Variants in SMCO2 observed in about 807,000 individuals in gnomAD.
SMCO2 encodes the protein single-pass membrane protein with coiled-coil domains 2, also known as single-pass membrane and coiled-coil domain-containing protein 2.
In SMCO2, 25 loss-of-function variants were observed where a neutral mutation model predicts 29.5. The observed-to-expected ratio is 0.85, with a 90% CI of 0.62 to 1.18. The LOEUF (loss-of-function observed/expected upper bound fraction) is 1.18, where lower values mean the gene tolerates loss of function less well. Ranked by LOEUF, SMCO2 falls within the 50% of genes most tolerant of loss-of-function variation. The probability of loss-of-function intolerance (pLI) is 0.00; values close to 1 mark genes in which losing one functional copy is unlikely to be tolerated. For missense variants in SMCO2, 348 were observed against 344.5 expected, an observed-to-expected ratio of 1.01 and a Z score of -0.08; for synonymous variants, 117 against 123.3, an observed-to-expected ratio of 0.95 and a Z score of 0.34.
At chr12:27,476,735 AT>A (rs1949589674) in intron 4 of SMCO2, among the ~76,000 whole-genome samples, 1 of 151,804 alleles carries the variant, frequency 6.6e-6, no homozygotes, top group African/African-American at 2.4e-5. Flanking sequence ...TTCAGTCTAC[AT>A]GTGTCTTTAC....
chr12:27,498,806 G>A (rs555849728), intron 7 of SMCO2, among the ~76,000 whole-genome samples: 3 of 150,174 alleles, frequency 2.0e-5, no homozygotes, highest in South Asian at 2.1e-4. Flanking sequence ...ACACACAAAC[G>A]GTCAACAAGC....
the SMCO2 span, among the ~76,000 whole-genome samples, chr12:27,426,692 C>CTATAGTTTAGCAAACTATATA: frequency 9.2e-5 from 14 of 152,216 alleles, no homozygotes; most frequent in South Asian, 2.9e-3. Flanking sequence ...ATTCCTGAGA[C>CTATAGTTTAGCAAACTATATA]TATATAGCAA....
the SMCO2 span, among the ~76,000 whole-genome samples, chr12:27,427,331 T>C: frequency 6.6e-6 from 1 of 152,170 alleles, no homozygotes; most frequent in Admixed American, 6.6e-5. Flanking sequence ...AGCTTGGGAA[T>C]TTGCATTTCC....
chr12:27,433,014 A>G, the SMCO2 span, among the ~76,000 whole-genome samples: 1 of 152,222 alleles, frequency 6.6e-6, no homozygotes, highest in Non-Finnish European at 1.5e-5. Context: ...AGTATTTGCT[A>G]CAGAATGGCC....
intron 4 of SMCO2, among the ~76,000 whole-genome samples, chr12:27,484,174 T>G (rs1949668037): frequency 6.6e-6 from 1 of 152,214 alleles, no homozygotes; most frequent in Non-Finnish European, 1.5e-5. Context: ...GTGGATCACC[T>G]GAGGTCAGGA....
chr12:27,430,817 G>C, the SMCO2 span, among the ~76,000 whole-genome samples: 1 of 152,034 alleles, frequency 6.6e-6, no homozygotes, highest in Admixed American at 6.6e-5. Flanking sequence ...GGGCTTAAGA[G>C]TTAAGTAACT....
the SMCO2 span, among the ~76,000 whole-genome samples, chr12:27,455,602 T>C: frequency 6.6e-6 from 1 of 152,202 alleles, no homozygotes; most frequent in African/African-American, 2.4e-5. Context: ...AATCTACGTA[T>C]AGGTATCTAT....
the SMCO2 span, among the ~76,000 whole-genome samples, chr12:27,428,514 C>T: frequency 2.7e-5 from 4 of 150,508 alleles, no homozygotes; most frequent in Admixed American, 6.6e-5. Flanking sequence ...GGAGGCAAGG[C>T]AGAGAAAGCT....
rs554204145 is a variant in SMCO2 at position 27,477,372 on chromosome 12, C to T, written c.362+2459C>T. On this transcript the variant is annotated intron_variant, in intron 4 of 7. Coordinates refer to ENST00000298876, the Ensembl canonical transcript of SMCO2. Reference sequence around the variant, plus strand: ...TCTTTTGCTGTTTTTAGAATTCTCTCTTTGTCTTTGATTTTGACAGTTTGC... The same window carrying T: ...TCTTTTGCTGTTTTTAGAATTCTCTTTTTGTCTTTGATTTTGACAGTTTGC... Among the ~76,000 whole-genome samples the T allele has an allele frequency of 2.6e-5, 4 of 151,944 alleles. No individual in the cohort carries two copies. In the South Asian group the frequency reaches 8.3e-4, roughly 32 times the overall value.
At chr12:27,441,369 C>T in the SMCO2 span, among the ~76,000 whole-genome samples, 8 of 152,004 alleles carry the variant, frequency 5.3e-5, no homozygotes, top group East Asian at 1.9e-4. Flanking sequence ...ACACGTAGAC[C>T]GAAAGTGATA....
chr12:27,431,029 T>C, the SMCO2 span, among the ~76,000 whole-genome samples: 9 of 127,676 alleles, frequency 7.0e-5, no homozygotes, highest in East Asian at 1.8e-3. Flanking sequence ...TTTACTATCT[T>C]TTTTTTTTTT....
the SMCO2 span, among the ~76,000 whole-genome samples, chr12:27,445,123 T>C: frequency 6.6e-6 from 1 of 152,146 alleles, no homozygotes; most frequent in African/African-American, 2.4e-5. Context: ...CTCACTCATA[T>C]GTGGGAGCTA....
intron 4 of SMCO2, among the ~76,000 whole-genome samples, chr12:27,480,924 A>G (rs938549759): frequency 1.3e-5 from 2 of 152,154 alleles, no homozygotes; most frequent in South Asian, 2.1e-4. Flanking sequence ...GAACAGACTA[A>G]CACACTGTCA....
chr12:27,437,794 T>C, the SMCO2 span, among the ~76,000 whole-genome samples: 22 of 152,322 alleles, frequency 1.4e-4, no homozygotes, highest in African/African-American at 4.8e-4. Flanking sequence ...GCTCCTTTTG[T>C]CCAAAGACCC....
chr12:27,485,555 T>C (rs546763843), intron 4 of SMCO2, among the ~76,000 whole-genome samples: 24 of 151,232 alleles, frequency 1.6e-4, no homozygotes, highest in African/African-American at 5.6e-4. Flanking sequence ...GTTCAAGAAA[T>C]TCTTGGCTTC....
chr12:27,489,868 T>C (rs1286287997), intron 5 of SMCO2, among the ~76,000 whole-genome samples: 2 of 152,138 alleles, frequency 1.3e-5, no homozygotes, highest in African/African-American at 4.8e-5. Context: ...ATTACAAAAA[T>C]GTAGATTTCA....
intron 5 of SMCO2, among the ~76,000 whole-genome samples, chr12:27,488,753 A>G (rs432418): frequency 0.12 from 18,659 of 152,188 alleles, 2,209 homozygotes; most frequent in African/African-American, 0.29. Flanking sequence ...TACTTTACCT[A>G]GAAACTCGGC....
chr12:27,450,684 G>A, the SMCO2 span, among the ~76,000 whole-genome samples: 1,676 of 152,296 alleles, frequency 0.011, 31 homozygotes, highest in African/African-American at 0.039. Flanking sequence ...AATGCTCACT[G>A]GTGAAGGACT....
chr12:27,500,440 G>C (rs1385109936), intron 7 of SMCO2, among the ~76,000 whole-genome samples: 1 of 150,560 alleles, frequency 6.6e-6, no homozygotes, highest in Non-Finnish European at 1.5e-5. Context: ...AATGTGTCTG[G>C]TTATATTTGG....
Sources: gnomAD v4.1 joint callset for allele counts (sites outside exome capture counted in the v4.1 genomes callset) on GRCh38, gnomAD v4.1.1 for gene constraint, MANE v1.5 for transcripts, NCBI Gene and HGNC (gene_info 2026-07-23, HGNC 2026-07-21) for gene names.